Variants in SEMA3C observed in about 807,000 individuals in gnomAD.
SEMA3C encodes semaphorin 3C.
A neutral mutation model predicts 89.4 loss-of-function variants in SEMA3C; 47 were observed. The ratio of observed to expected loss-of-function variants is 0.53; its 90% CI spans 0.42 to 0.67. The LOEUF (loss-of-function observed/expected upper bound fraction) is 0.67, where lower values mean the gene tolerates loss of function less well. SEMA3C is among the 30% of genes least tolerant of loss of function. The pLI is 0.00. For synonymous variants in SEMA3C, 310 were observed against 320.2 expected (o/e 0.97, Z 0.34); for missense variants, 839 against 929.1 (o/e 0.90, Z 1.26).
chr7:80,901,842 G>A (rs1202359804), intron 2 of SEMA3C, among the ~76,000 whole-genome samples: 1 of 152,142 alleles, frequency 6.6e-6, no homozygotes, highest in African/African-American at 2.4e-5. Flanking sequence ...CCACAAAAAA[G>A]TTATTTTTCC....
In SEMA3C at chr7:80,810,642, G is replaced by A. The variant is rs779965213; in HGVS notation, c.507C>T (p.Asn169=). The change falls in exon 6 of 18, where the codon AAC becomes AAT. Residue 169 remains asparagine, a synonymous_variant. Coordinates refer to ENST00000265361, the MANE Select transcript of SEMA3C (RefSeq NM_006379.5). ...CESGKGRCSF[N]PNVNTVSVMI... Reference sequence around the variant, plus strand: ...TAACAGACACCGTGTTCACGTTGGGGTTGAAAGAGCAGCGTCCTTTTCCAG... The same window carrying A: ...TAACAGACACCGTGTTCACGTTGGGATTGAAAGAGCAGCGTCCTTTTCCAG... 2.2e-5 allele frequency: 35 copies of A among 1,613,600 alleles called. No individual in the cohort carries two copies. The highest frequency in any genetic ancestry group is 2.9e-5 in the Non-Finnish European group (34 of 1,179,734).
At chr7:80,799,468 G>A (rs1371356523) in intron 10 of SEMA3C, among the ~76,000 whole-genome samples, 3 of 152,156 alleles carry the variant, frequency 2.0e-5, no homozygotes, top group South Asian at 2.1e-4. Context: ...CTTGAAATAC[G>A]TACTTTAATT....
chr7:80,771,273 T>C (rs1022281741), intron 12 of SEMA3C, among the ~76,000 whole-genome samples: 11 of 152,190 alleles, frequency 7.2e-5, no homozygotes, highest in African/African-American at 2.2e-4. Flanking sequence ...TTCTCTTCTG[T>C]GAGGTACAGA....
chr7:80,860,305 T>C (rs1790741658), intron 2 of SEMA3C, among the ~76,000 whole-genome samples: 1 of 152,176 alleles, frequency 6.6e-6, no homozygotes, highest in Non-Finnish European at 1.5e-5. Flanking sequence ...CTTCTCCTAA[T>C]GGCCAACTAT....
intron 15 of SEMA3C, among the ~76,000 whole-genome samples, chr7:80,753,345 T>A (rs749182302): frequency 6.6e-6 from 1 of 152,202 alleles, no homozygotes; most frequent in African/African-American, 2.4e-5. Context: ...GTATATATTA[T>A]ATGAGCATCA....
chr7:80,878,863 G>T (rs1325829364), intron 2 of SEMA3C, among the ~76,000 whole-genome samples: 1 of 151,902 alleles, frequency 6.6e-6, no homozygotes, highest in Non-Finnish European at 1.5e-5. Flanking sequence ...ACATAAAGAT[G>T]AATTCAAAAA....
At chr7:80,764,297 T>C (rs1788248297) in intron 13 of SEMA3C, among the ~76,000 whole-genome samples, 1 of 152,186 alleles carries the variant, frequency 6.6e-6, no homozygotes, top group South Asian at 2.1e-4. Context: ...TGTTTCTTAA[T>C]TGGTTTAGTT....
intron 2 of SEMA3C, among the ~76,000 whole-genome samples, chr7:80,875,123 C>T (rs1447010588): frequency 6.6e-6 from 1 of 150,664 alleles, no homozygotes; most frequent in Non-Finnish European, 1.5e-5. Context: ...ACACCTTCCT[C>T]ATAGGTTGTT....
chr7:80,818,801 G>A (rs1022360247), intron 4 of SEMA3C, among the ~76,000 whole-genome samples: 9 of 152,148 alleles, frequency 5.9e-5, no homozygotes, highest in African/African-American at 1.9e-4. Context: ...TATCTTTGGG[G>A]AACTATTAGT....
chr7:80,912,877 T>C (rs533840035), intron 2 of SEMA3C, among the ~76,000 whole-genome samples: 154 of 152,340 alleles, frequency 1.0e-3, no homozygotes, highest in African/African-American at 3.4e-3. Context: ...CCAGAGCTCA[T>C]AAAGAGGCAA....
chr7:80,873,421 G>A (rs1583966120), intron 2 of SEMA3C, among the ~76,000 whole-genome samples: 2 of 152,270 alleles, frequency 1.3e-5, no homozygotes, highest in Middle Eastern at 3.4e-3. Flanking sequence ...TGATGATGAC[G>A]ATGAGATACT....
At chr7:80,887,036 C>T (rs979408795) in intron 2 of SEMA3C, among the ~76,000 whole-genome samples, 2 of 152,112 alleles carry the variant, frequency 1.3e-5, no homozygotes, top group African/African-American at 4.8e-5. Context: ...ACTAAAATTT[C>T]AGCCTCTCAG....
intron 3 of SEMA3C, 55 bp downstream of exon 3, chr7:80,828,530 T>A (rs960978716): frequency 8.0e-5 from 112 of 1,407,468 alleles, no homozygotes; most frequent in Middle Eastern, 4.3e-4. Flanking sequence ...TTATTTTTTT[T>A]AAAAAAGAGA....
chr7:80,854,848 A>G (rs1319807178), intron 2 of SEMA3C, among the ~76,000 whole-genome samples: 1 of 152,146 alleles, frequency 6.6e-6, no homozygotes, highest in African/African-American at 2.4e-5. Context: ...TTTCATTACT[A>G]TAGTGGTTTG....
At chr7:80,793,860 TAACCTAACAC>T (rs1789000677) in intron 11 of SEMA3C, among the ~76,000 whole-genome samples, 1 of 151,008 alleles carries the variant, frequency 6.6e-6, no homozygotes, top group Non-Finnish European at 1.5e-5. Flanking sequence ...GAGGGGATCT[TAACCTAACAC>T]GTGGGGGATG....
intron 12 of SEMA3C, among the ~76,000 whole-genome samples, chr7:80,780,076 A>C (rs1788657932): frequency 6.6e-6 from 1 of 152,246 alleles, no homozygotes; most frequent in African/African-American, 2.4e-5. Context: ...AGGCTAGCTA[A>C]GCAATCATCC....
chr7:80,849,211 GAATA>G (rs1278914363), intron 2 of SEMA3C, among the ~76,000 whole-genome samples: 2 of 152,052 alleles, frequency 1.3e-5, no homozygotes, highest in Non-Finnish European at 2.9e-5. Flanking sequence ...AAGAATACAA[GAATA>G]TATACTTTGA....
At position 80,745,233 on chromosome 7, in the gene SEMA3C, T is replaced by A; in HGVS notation, c.1917A>T (p.Gly639=). ...TTTCTGTAGCAATGCAGTGATAAAG[T>A]CCTTGGTCAGAACCCTGAACAGAGC... ...LIRSVQGSDQ[G]LYHCIATENS... is the part of the protein sequence containing the mutation. Residue 639 remains glycine (G), a synonymous_variant, in exon 18 of 18, where the codon GGA becomes GGT. Coordinates refer to ENST00000265361, the MANE Select transcript of SEMA3C (RefSeq NM_006379.5). The A allele has an allele frequency of 6.2e-7, 1 of 1,614,030 alleles. No homozygotes were observed. Among genetic ancestry groups the A allele is most frequent in the Non-Finnish European group, 8.5e-7 (1 of 1,179,972 alleles).
intron 5 of SEMA3C, among the ~76,000 whole-genome samples, chr7:80,813,480 A>G (rs914543928): frequency 1.2e-4 from 18 of 152,206 alleles, no homozygotes; most frequent in African/African-American, 4.3e-4. Flanking sequence ...CTTTGCAGAG[A>G]AAGCAAAGCC....
Sources: allele counts gnomAD v4.1 joint callset (sites outside exome capture counted in the v4.1 genomes callset), GRCh38; gene constraint gnomAD v4.1.1; transcripts MANE v1.5; gene names NCBI Gene and HGNC (gene_info 2026-07-23, HGNC 2026-07-21).